ZNF254: variants seen among roughly 807,000 people sequenced by gnomAD.
ZNF254 encodes the protein zinc finger protein 254.
A neutral mutation model predicts 12.4 loss-of-function variants in ZNF254; 10 were observed. The observed-to-expected ratio is 0.80, with a 90% CI of 0.50 to 1.36. The LOEUF (loss-of-function observed/expected upper bound fraction) is 1.36. Ranked by LOEUF, ZNF254 falls within the 40% of genes most tolerant of loss-of-function variation. The probability of loss-of-function intolerance (pLI) is 0.00; values close to 1 mark genes in which losing one functional copy is unlikely to be tolerated. For synonymous variants in ZNF254, 305 were observed against 253.4 expected (o/e 1.20, Z -1.93); for missense variants, 996 against 763.9 (o/e 1.30, Z -3.58).
At chr19:24,107,598 A>G (rs1453924523) in intron 3 of ZNF254, among the ~76,000 whole-genome samples, 1 of 152,134 alleles carries the variant, frequency 6.6e-6, no homozygotes, top group Non-Finnish European at 1.5e-5. Flanking sequence ...CTATATACAT[A>G]TATATATGAT....
intron 2 of ZNF254, among the ~76,000 whole-genome samples, chr19:24,054,095 C>T (rs1238619990): frequency 1.4e-5 from 2 of 147,242 alleles, no homozygotes; most frequent in South Asian, 4.4e-4. Flanking sequence ...TATGGCTCTT[C>T]TGCCCCTGTC....
intron 2 of ZNF254, chr19:24,046,417 T>C (rs1298611025): frequency 8.0e-6 from 1 of 125,126 alleles, no homozygotes; most frequent in Non-Finnish European, 1.7e-5. Flanking sequence ...ATCTGTTTTA[T>C]GTGCAACAAT....
At chr19:24,060,697 T>G (rs772798335) in intron 2 of ZNF254, among the ~76,000 whole-genome samples, 2 of 152,204 alleles carry the variant, frequency 1.3e-5, no homozygotes, top group Non-Finnish European at 2.9e-5. Flanking sequence ...CCACATGGCT[T>G]ATTGTGACAT....
upstream of ZNF254, among the ~76,000 whole-genome samples, chr19:24,084,335 A>G (rs953443793): frequency 4.6e-5 from 7 of 151,928 alleles, no homozygotes; most frequent in Admixed American, 1.3e-4. Flanking sequence ...GTTCTCACTT[A>G]TAAGTGGGAA....
upstream of ZNF254, among the ~76,000 whole-genome samples, chr19:24,086,155 C>T (rs1972030744): frequency 6.6e-6 from 1 of 151,814 alleles, no homozygotes; most frequent in Non-Finnish European, 1.5e-5. Context: ...TGCAGTTAGC[C>T]AAGATGGCGC....
In ZNF254 at chr19:24,127,359, G is replaced by A. The variant is rs375153753; in HGVS notation, c.1359G>A (p.Lys453=). 11 of 1,613,342 alleles carry A rather than the reference G, an allele frequency of 6.8e-6. No individual in the cohort carries two copies. The highest frequency in any genetic ancestry group is 1.3e-5 in the African/African-American group (1 of 74,820). ...FIWSSTLTKH[K]RIHTREKPYK... ...GGTCCTCAACCCTTACTAAACATAA[G>A]AGAATTCATACTAGAGAGAAACCCT... The change falls in exon 4 of 4, where the codon AAG becomes AAA. Residue 453 remains lysine (K), a synonymous_variant. Coordinates refer to ENST00000357002, the MANE Select transcript of ZNF254 (RefSeq NM_203282.4).
chr19:24,042,152 C>T (rs1268207798), intron 1 of ZNF254, among the ~76,000 whole-genome samples: 1 of 151,784 alleles, frequency 6.6e-6, no homozygotes, highest in African/African-American at 2.4e-5. Context: ...TTTGTGAATG[C>T]ACCAGTCGAC....
chr19:24,123,218 C>T (rs994572724), intron 3 of ZNF254, among the ~76,000 whole-genome samples: 3 of 152,080 alleles, frequency 2.0e-5, no homozygotes, highest in African/African-American at 7.2e-5. Flanking sequence ...GTAAATTTTT[C>T]AGTTTTTCTG....
chr19:24,064,174 T>A (rs1971183293), intron 2 of ZNF254, among the ~76,000 whole-genome samples: 1 of 152,062 alleles, frequency 6.6e-6, no homozygotes, highest in Non-Finnish European at 1.5e-5. Flanking sequence ...GTGACATAGC[T>A]CCTATGTGAT....
intron 2 of ZNF254, 126 bp downstream of exon 2, chr19:24,106,192 G>A (rs1973331404): frequency 7.8e-7 from 1 of 1,278,292 alleles, no homozygotes; most frequent in Non-Finnish European, 1.0e-6. Context: ...TTTGTCTGTT[G>A]AGAAAGGAAT....
intron 3 of ZNF254, among the ~76,000 whole-genome samples, chr19:24,123,269 A>T (rs2145979637): frequency 6.6e-6 from 1 of 152,322 alleles, no homozygotes; most frequent in East Asian, 1.9e-4. Flanking sequence ...ACTCATAGAA[A>T]GTAGTTCATA....
chr19:24,083,958 C>T (rs745706900), upstream of ZNF254, among the ~76,000 whole-genome samples: 15 of 151,744 alleles, frequency 9.9e-5, no homozygotes, highest in Non-Finnish European at 2.1e-4. Flanking sequence ...GTAGAACTAC[C>T]GTTTGATTCA....
chr19:24,039,282 T>C (rs1345199995), intron 1 of ZNF254, among the ~76,000 whole-genome samples: 1 of 152,216 alleles, frequency 6.6e-6, no homozygotes, highest in Non-Finnish European at 1.5e-5. Context: ...CTGAATCTGG[T>C]GGCAGAATCT....
Position 24,127,188 on chromosome 19 carries a change from TA to T in ZNF254, c.1192del (p.Ile398Ter). ...AGCAACTCTCAACTCTTACTACACA[TA>T]AAATAATTCATGTTGGAGAGAAACT... ...FKQLSTLTTHKIIHVGEKLYK... is the reference protein window; with the variant it reads ...FKQLSTLTTHXIIHVGEKLYK... On this transcript the variant is annotated frameshift_variant, in exon 4 of 4. Transcript: ENST00000357002. LOFTEE classifies it low-confidence loss of function (END_TRUNC). 2 of 1,613,262 alleles carry T rather than the reference TA, an allele frequency of 1.2e-6. No homozygotes were observed. The highest frequency in any genetic ancestry group is 1.7e-6 in the Non-Finnish European group (2 of 1,179,708).
upstream of ZNF254, among the ~76,000 whole-genome samples, chr19:24,082,620 A>G (rs972175696): frequency 4.4e-5 from 6 of 136,084 alleles, no homozygotes; most frequent in Admixed American, 1.6e-4. Flanking sequence ...AATGCACTCC[A>G]GTCTGGGCAA....
At chr19:24,118,589 T>C (rs1219960262) in intron 3 of ZNF254, among the ~76,000 whole-genome samples, 1 of 152,162 alleles carries the variant, frequency 6.6e-6, no homozygotes, top group Non-Finnish European at 1.5e-5. Context: ...AAGTCGTTTC[T>C]ATTTTTTGAA....
intron 1 of ZNF254, among the ~76,000 whole-genome samples, chr19:24,044,597 T>C (rs2145230895): frequency 6.6e-6 from 1 of 152,320 alleles, no homozygotes. Flanking sequence ...ATTCTTATAT[T>C]GATTCGTGTT....
At chr19:24,125,485 T>C (rs1974772193) in intron 3 of ZNF254, among the ~76,000 whole-genome samples, 1 of 152,076 alleles carries the variant, frequency 6.6e-6, no homozygotes. Context: ...TTGTATATAT[T>C]ATAATCCTTG....
chr19:24,080,306 A>G (rs938428238), intron 2 of ZNF254: 1 of 152,254 alleles, frequency 6.6e-6, no homozygotes. Context: ...TGGGTGTCCG[A>G]GTCACTGTGC....
Sources: allele counts gnomAD v4.1 joint callset (sites outside exome capture counted in the v4.1 genomes callset), GRCh38; gene constraint gnomAD v4.1.1; transcripts MANE v1.5; gene names NCBI Gene and HGNC (gene_info 2026-07-23, HGNC 2026-07-21).